DRC11: variants seen among roughly 807,000 people sequenced by gnomAD.
The protein encoded by DRC11 is IQ and AAA domain-containing protein 1.
the DRC11 span, chr2:236,408,379 G>A: frequency 4.0e-6 from 3 of 751,520 alleles, no homozygotes; most frequent in African/African-American, 5.1e-5. This position sits in a 1 kb window ranked among gnomAD's most constrained non-coding sequence, Gnocchi z 5.5. Context: ...TCAATGACTT[G>A]TGACCCCTTT....
chr2:236,321,026 C>T, the DRC11 span, among the ~76,000 whole-genome samples: 2 of 152,174 alleles, frequency 1.3e-5, no homozygotes, highest in African/African-American at 4.8e-5. Flanking sequence ...AGGTACCATG[C>T]CTTCTCCTAC....
the DRC11 span, among the ~76,000 whole-genome samples, chr2:236,351,277 G>T: frequency 6.6e-6 from 1 of 152,162 alleles, no homozygotes; most frequent in Non-Finnish European, 1.5e-5. This position sits in a 1 kb window ranked among gnomAD's most constrained non-coding sequence, Gnocchi z 7.3. Flanking sequence ...AAATCAGGGT[G>T]TCAGTGAGGG....
At chr2:236,346,295 C>T in the DRC11 span, among the ~76,000 whole-genome samples, 18 of 152,228 alleles carry the variant, frequency 1.2e-4, no homozygotes, top group Admixed American at 7.8e-4. Context: ...ACACACCTGG[C>T]GCTGCCTCCT....
At chr2:236,362,251 T>A in the DRC11 span, among the ~76,000 whole-genome samples, 1 of 152,120 alleles carries the variant, frequency 6.6e-6, no homozygotes, top group African/African-American at 2.4e-5. The surrounding 1 kb of genome is among the most constrained non-coding windows in gnomAD (Gnocchi z 5.7). Context: ...AATAACCCAA[T>A]GAAAGGTACA....
chr2:236,343,020 T>A, the DRC11 span, among the ~76,000 whole-genome samples: 1 of 152,156 alleles, frequency 6.6e-6, no homozygotes, highest in African/African-American at 2.4e-5. The surrounding 1 kb of genome is among the most constrained non-coding windows in gnomAD (Gnocchi z 6.6). Flanking sequence ...TGGGCAGGGT[T>A]TGCGGGAATC....
the DRC11 span, among the ~76,000 whole-genome samples, chr2:236,316,515 A>G: frequency 2.0e-5 from 3 of 152,210 alleles, no homozygotes; most frequent in Non-Finnish European, 2.9e-5. The surrounding 1 kb of genome is among the most constrained non-coding windows in gnomAD (Gnocchi z 6.8). Context: ...AGTGGGAGAC[A>G]ATATTCACAA....
the DRC11 span, among the ~76,000 whole-genome samples, chr2:236,433,327 T>A: frequency 6.6e-6 from 1 of 152,194 alleles, no homozygotes; most frequent in Non-Finnish European, 1.5e-5. Context: ...TTGGATCATA[T>A]TATGTCTATA....
At chr2:236,400,419 C>A in the DRC11 span, among the ~76,000 whole-genome samples, 1 of 152,218 alleles carries the variant, frequency 6.6e-6, no homozygotes. This position sits in a 1 kb window ranked among gnomAD's most constrained non-coding sequence, Gnocchi z 7.9. Context: ...AGCACAACAC[C>A]CCCTCTGCCC....
the DRC11 span, among the ~76,000 whole-genome samples, chr2:236,374,179 A>G: frequency 6.6e-6 from 1 of 152,182 alleles, no homozygotes; most frequent in Admixed American, 6.5e-5. Flanking sequence ...CTCAATGGGG[A>G]AAATTTGTCA....
At chr2:236,506,514 G>A in the DRC11 span, among the ~76,000 whole-genome samples, 1 of 152,184 alleles carries the variant, frequency 6.6e-6, no homozygotes, top group African/African-American at 2.4e-5. This position sits in a 1 kb window ranked among gnomAD's most constrained non-coding sequence, Gnocchi z 4.9. Flanking sequence ...TACAGGGCAC[G>A]TAATAGCAAC....
the DRC11 span, chr2:236,377,179 G>C: frequency 6.2e-7 from 1 of 1,608,876 alleles, no homozygotes; most frequent in Non-Finnish European, 8.5e-7. This position sits in a 1 kb window ranked among gnomAD's most constrained non-coding sequence, Gnocchi z 4.9. Context: ...ACAGAGACTC[G>C]ATGGTCCTGG....
At chr2:236,473,783 A>C in the DRC11 span, among the ~76,000 whole-genome samples, 1 of 151,924 alleles carries the variant, frequency 6.6e-6, no homozygotes, top group Non-Finnish European at 1.5e-5. The surrounding 1 kb of genome is among the most constrained non-coding windows in gnomAD (Gnocchi z 4.8). Context: ...CAATATCCAA[A>C]AAAAAAAAAA....
the DRC11 span, among the ~76,000 whole-genome samples, chr2:236,388,651 T>A: frequency 2.7e-5 from 4 of 150,200 alleles, no homozygotes; most frequent in Non-Finnish European, 5.9e-5. Flanking sequence ...TGAAGCCTTC[T>A]TCTCTCAGCT....
chr2:236,423,691 C>T, the DRC11 span, among the ~76,000 whole-genome samples: 1 of 152,114 alleles, frequency 6.6e-6, no homozygotes, highest in African/African-American at 2.4e-5. Context: ...CCCAGCCATC[C>T]CATTACTGGG....
chr2:236,416,503 A>C, the DRC11 span, among the ~76,000 whole-genome samples: 1 of 151,650 alleles, frequency 6.6e-6, no homozygotes, highest in East Asian at 2.0e-4. Flanking sequence ...AATGAGCAGT[A>C]AGGGGTCTCT....
chr2:236,363,776 A>C, the DRC11 span: 1 of 1,603,370 alleles, frequency 6.2e-7, no homozygotes, highest in Non-Finnish European at 8.5e-7. The surrounding 1 kb of genome is among the most constrained non-coding windows in gnomAD (Gnocchi z 5.6). Flanking sequence ...AATGTAATCC[A>C]TACCTTGAAG....
chr2:236,355,721 A>ATCTC, the DRC11 span, among the ~76,000 whole-genome samples: 879 of 147,938 alleles, frequency 5.9e-3, 5 homozygotes, highest in East Asian at 0.011. Flanking sequence ...CTAATTGTAC[A>ATCTC]TCTCTCTCTC....
At chr2:236,330,044 T>C in the DRC11 span, among the ~76,000 whole-genome samples, 5 of 152,302 alleles carry the variant, frequency 3.3e-5, no homozygotes, top group African/African-American at 1.2e-4. This position sits in a 1 kb window ranked among gnomAD's most constrained non-coding sequence, Gnocchi z 5.5. Context: ...ATTAATATTT[T>C]AGAAAGGAGA....
the DRC11 span, among the ~76,000 whole-genome samples, chr2:236,461,812 C>T: frequency 6.6e-6 from 1 of 152,160 alleles, no homozygotes; most frequent in East Asian, 1.9e-4. The surrounding 1 kb of genome is among the most constrained non-coding windows in gnomAD (Gnocchi z 4.0). Flanking sequence ...GCAATGGCTC[C>T]AGTTTGCATT....
Sources: gnomAD v4.1 joint callset for allele counts (sites outside exome capture counted in the v4.1 genomes callset) on GRCh38, gnomAD v4.1.1 for gene constraint, Gnocchi (gnomAD v3.1) non-coding constraint, MANE v1.5 for transcripts, NCBI Gene and HGNC (gene_info 2026-07-23, HGNC 2026-07-21) for gene names.